APAF1: variants seen among roughly 807,000 people sequenced by gnomAD.
The protein encoded by APAF1 is apoptotic peptidase activating factor 1, also known as apoptotic protease-activating factor 1.
APAF1 carries 91 observed loss-of-function variants against 152.4 expected under a neutral mutation model. That is an observed-to-expected ratio of 0.60 (90% confidence interval 0.50 to 0.71). The LOEUF (loss-of-function observed/expected upper bound fraction) is 0.71. APAF1 is among the 30% of genes least tolerant of loss of function. The probability of loss-of-function intolerance (pLI) is 0.00; values close to 1 mark genes in which losing one functional copy is unlikely to be tolerated. For synonymous variants in APAF1, 484 were observed against 494.1 expected, an observed-to-expected ratio of 0.98 and a Z score of 0.27; for missense variants, 1,283 against 1,472.0, an observed-to-expected ratio of 0.87 and a Z score of 2.10.
chr12:98,673,205 G>A (rs541304435), intron 12 of APAF1, among the ~76,000 whole-genome samples: 3 of 152,098 alleles, frequency 2.0e-5, no homozygotes, highest in South Asian at 4.2e-4. Context: ...TTGTGGCTGG[G>A]CATGGTGGCT....
rs1474837266 is a variant in APAF1, at chr12:98,735,016, G to A, written c.*2450G>A. 1 of 389,812 alleles carries A rather than the reference G, an allele frequency of 2.6e-6. No individual in the cohort carries two copies. Among genetic ancestry groups the A allele is most frequent in the African/African-American group, 2.1e-5 (1 of 48,428 alleles). The allele number at this position is 389,812 out of a possible 1,614,324, so 24.1% of individuals were successfully genotyped here. On this transcript the variant is annotated 3_prime_UTR_variant, in exon 27 of 27. Coordinates refer to ENST00000551964, the MANE Select transcript of APAF1 (RefSeq NM_181861.2). ...TAATCCCAGCTCCTTGGGAGGCTAA[G>A]ACAGGAGGATTCCTTGAGCCCTGGA...
intron 5 of APAF1, among the ~76,000 whole-genome samples, chr12:98,661,976 A>G (rs2097665985): frequency 6.6e-6 from 1 of 152,150 alleles, no homozygotes; most frequent in African/African-American, 2.4e-5. Context: ...AATGAAAGGT[A>G]ATATTCTTTT....
intron 4 of APAF1, 21 bp from the exon 5 acceptor site, chr12:98,659,139 C>T: frequency 6.2e-7 from 1 of 1,613,326 alleles, no homozygotes; most frequent in Non-Finnish European, 8.5e-7. Context: ...GCCTTAAGTT[C>T]ATTATTCTTT....
At chr12:98,683,101 A>C (rs1258917749) in intron 14 of APAF1, 42 bp from the exon 15 acceptor site, 4 of 1,542,298 alleles carry the variant, frequency 2.6e-6, no homozygotes, top group Non-Finnish European at 3.6e-6. Context: ...TCTCCCTTTG[A>C]AAATAATGGA....
chr12:98,719,436 G>T (rs1469653530), intron 22 of APAF1, among the ~76,000 whole-genome samples: 1 of 151,916 alleles, frequency 6.6e-6, no homozygotes, highest in Admixed American at 6.6e-5. Context: ...TGCAGCCTCC[G>T]CCTCCTGGGT....
chr12:98,648,899 A>T (rs1182765458), intron 3 of APAF1, 84 bp downstream of exon 3: 10 of 1,273,418 alleles, frequency 7.9e-6, no homozygotes, highest in African/African-American at 1.5e-5. Flanking sequence ...TTTTGAAGAG[A>T]GTGTGACCAG....
rs933989834 is a variant in APAF1 at position 98,735,175 on chromosome 12, G to A, written c.*2609G>A. The A allele has an allele frequency of 2.3e-5, 9 of 398,644 alleles. No homozygotes were observed. The highest frequency in any genetic ancestry group is 1.0e-4 in the African/African-American group (5 of 48,616). 24.7% of individuals were successfully genotyped at this position (398,644 alleles called of 1,614,324 possible). A position where few individuals can be genotyped will look rare whatever the true frequency, so the allele number is the denominator to read the frequency against. On this transcript the variant is annotated 3_prime_UTR_variant, in exon 27 of 27. Coordinates refer to ENST00000551964, the MANE Select transcript of APAF1 (RefSeq NM_181861.2). Reference sequence around the variant, plus strand: ...AAATTTCATGGCAGTTCATGCAGTCGGTCAAGAGGAGGATTTTGTTTTGTA... The same window carrying A: ...AAATTTCATGGCAGTTCATGCAGTCAGTCAAGAGGAGGATTTTGTTTTGTA...
At position 98,703,144 on chromosome 12, in the gene APAF1, C is replaced by T. The variant is rs566038436; in HGVS notation, c.2467-227C>T. ...ATTTCTCTTTAGGCTAGCTTGAGAG[C>T]TCATCTGTGATGAATTTTCCTTTAT... On this transcript the variant is annotated intron_variant, in intron 17 of 26. Coordinates refer to ENST00000551964, the MANE Select transcript of APAF1 (RefSeq NM_181861.2). Among the ~76,000 whole-genome samples the T allele has an allele frequency of 3.9e-5, 6 of 152,274 alleles. No homozygotes were observed. In the East Asian group the frequency reaches 1.2e-3, roughly 29 times the overall value.
At chr12:98,693,792 G>GTTTTTTTTTTTTTT (rs546014793) in intron 16 of APAF1, among the ~76,000 whole-genome samples, 2 of 129,812 alleles carry the variant, frequency 1.5e-5, no homozygotes, top group East Asian at 2.2e-4. Context: ...TTGTTTTTCA[G>GTTTTTTTTTTTTTT]TTTTTTTTTT....
intron 17 of APAF1, among the ~76,000 whole-genome samples, chr12:98,700,521 T>A (rs978184254): frequency 5.3e-5 from 8 of 152,140 alleles, no homozygotes; most frequent in Non-Finnish European, 1.2e-4. Flanking sequence ...AGAGGAAAAA[T>A]ACCTCCCTTT....
At chr12:98,713,287 C>G (rs2097730179) in intron 21 of APAF1, among the ~76,000 whole-genome samples, 1 of 152,074 alleles carries the variant, frequency 6.6e-6, no homozygotes, top group Non-Finnish European at 1.5e-5. Context: ...AGTTGTTTGG[C>G]TGTTCTCCAC....
At chr12:98,684,634 A>C (rs1337077841) in intron 15 of APAF1, among the ~76,000 whole-genome samples, 2 of 151,802 alleles carry the variant, frequency 1.3e-5, no homozygotes, top group African/African-American at 2.4e-5. Flanking sequence ...AAAACACTGG[A>C]TTGGACCAAA....
intron 4 of APAF1, among the ~76,000 whole-genome samples, chr12:98,651,142 C>T (rs34144325): frequency 0.19 from 29,155 of 152,132 alleles, 2,958 homozygotes; most frequent in Non-Finnish European, 0.2. Flanking sequence ...TCATATTCCT[C>T]GTACTTTTGT....
chr12:98,676,434 C>T (rs2097686584), intron 12 of APAF1, among the ~76,000 whole-genome samples: 1 of 152,072 alleles, frequency 6.6e-6, no homozygotes, highest in Admixed American at 6.6e-5. Flanking sequence ...ATCTCGAACT[C>T]CTGACCTCAA....
chr12:98,732,648 T>C lies in APAF1; in HGVS notation c.*82T>C. The stretch of plus-strand genomic sequence containing the variant: ...CTAATGAAACCCTGATATCAACTTT[T>C]TATAAAGCTCTTAATTGTTGTGCAG... On this transcript the variant is annotated 3_prime_UTR_variant, in exon 27 of 27. Transcript: ENST00000551964. 1.1e-6 allele frequency: 1 copy of C among 932,576 alleles called. No homozygotes were observed. Among genetic ancestry groups the C allele is most frequent in the Non-Finnish European group, 1.7e-6 (1 of 605,602 alleles). The allele number at this position is 932,576 out of a possible 1,614,324, so 57.8% of individuals were successfully genotyped here.
intron 15 of APAF1, 127 bp downstream of exon 15, chr12:98,683,401 TTAGCTGAAGCAAAAAAAAAA>T: frequency 1.0e-6 from 1 of 978,786 alleles, no homozygotes; most frequent in Non-Finnish European, 1.6e-6. Flanking sequence ...CAATAATATA[TTAGCTGAAGCAAAAAAAAAA>T]TAGCTTAAAA....
At chr12:98,727,101 C>A in intron 25 of APAF1, 72 bp from the exon 26 acceptor site, 3 of 1,377,112 alleles carry the variant, frequency 2.2e-6, no homozygotes, top group Non-Finnish European at 3.1e-6. Flanking sequence ...TATATATGGA[C>A]ATATATATGT....
chr12:98,669,660 A>G (rs968030641), intron 10 of APAF1, among the ~76,000 whole-genome samples: 1 of 152,208 alleles, frequency 6.6e-6, no homozygotes, highest in Non-Finnish European at 1.5e-5. Flanking sequence ...TTGATGGACA[A>G]TTAGATTGTT....
Position 98,677,416 on chromosome 12 carries a change from T to G in APAF1, c.1794-9T>G. On this transcript the variant is annotated splice_polypyrimidine_tract_variant and intron_variant, in intron 12 of 26. Transcript: ENST00000551964. The stretch of plus-strand genomic sequence containing the variant: ...ATTTAATTTCTGTTCATTTTTTCCC[T>G]GTATTTAGAAACAAAAAAAACATCA... The G allele has an allele frequency of 6.2e-7, 1 of 1,613,888 alleles. No individual in the cohort carries two copies. Among genetic ancestry groups the G allele is most frequent in the Middle Eastern group, 1.6e-4 (1 of 6,062 alleles).
Sources: allele counts gnomAD v4.1 joint callset (sites outside exome capture counted in the v4.1 genomes callset), GRCh38; gene constraint gnomAD v4.1.1; transcripts MANE v1.5; gene names NCBI Gene and HGNC (gene_info 2026-07-23, HGNC 2026-07-21).